TATDN2: variants seen among roughly 807,000 people sequenced by gnomAD.
The protein encoded by TATDN2 is TatD DNase domain containing 2, also known as 3'-5' RNA nuclease TATDN2.
TATDN2 carries 44 observed loss-of-function variants against 60.3 expected under a neutral mutation model. The observed-to-expected ratio is 0.73, with a 90% CI of 0.57 to 0.94. TATDN2 has a LOEUF of 0.94. Among genes scored for constraint, TATDN2 ranks in the 40% least tolerant of loss-of-function variants. The pLI is 0.00. For synonymous variants in TATDN2, 399 were observed against 355.8 expected (o/e 1.12, Z -1.37); for missense variants, 997 against 948.0 (o/e 1.05, Z -0.68).
At chr3:10,266,131 G>A (rs1698471853) in intron 3 of TATDN2, among the ~76,000 whole-genome samples, 1 of 152,108 alleles carries the variant, frequency 6.6e-6, no homozygotes, top group Admixed American at 6.5e-5. Flanking sequence ...CTTTCCCCTT[G>A]TAGGTTTATA....
At chr3:10,262,330 T>G (rs989315950) in intron 3 of TATDN2, among the ~76,000 whole-genome samples, 1 of 152,222 alleles carries the variant, frequency 6.6e-6, no homozygotes, top group Admixed American at 6.5e-5. Context: ...CTTGGTTTAC[T>G]CTCACATTTT....
chr3:10,260,385 AGAAGGACCAGCCAGGAGT>A lies in TATDN2; in HGVS notation c.677_694del (p.Arg226_Ala231del), dbSNP rs747052958. ...GCGCAGCAGAGCATCCCAGCCATGG[AGAAGGACCAGCCAGGAGT>A]GAAGGACCAGCCAAGACTGCAGAAG... On this transcript the variant is annotated inframe_deletion, in exon 3 of 8. Coordinates refer to ENST00000448281, the MANE Select transcript of TATDN2 (RefSeq NM_014760.4). The A allele has an allele frequency of 1.2e-4, 188 of 1,614,174 alleles. No homozygotes were observed. In the African/African-American group the frequency reaches 2.2e-3, roughly 19 times the overall value.
intron 4 of TATDN2, 149 bp from the exon 5 acceptor site, chr3:10,276,212 G>T (rs1698634594): frequency 2.8e-6 from 3 of 1,080,180 alleles, no homozygotes; most frequent in South Asian, 3.1e-5. Flanking sequence ...TGGCTCTATT[G>T]TAAGTGACCA....
chr3:10,269,243 A>G (rs1191122545), intron 3 of TATDN2, among the ~76,000 whole-genome samples: 1 of 152,246 alleles, frequency 6.6e-6, no homozygotes, highest in Non-Finnish European at 1.5e-5. Flanking sequence ...GGAGTGAACC[A>G]GATGGAAGCT....
At chr3:10,249,792 G>A (rs1335640627) in intron 2 of TATDN2, among the ~76,000 whole-genome samples, 178 bp downstream of exon 2, 7 of 152,204 alleles carry the variant, frequency 4.6e-5, no homozygotes, top group Non-Finnish European at 1.0e-4. Flanking sequence ...CAGGCGCGTG[G>A]CCTGAAGTTA....
chr3:10,249,228 C>G lies in TATDN2; in HGVS notation c.28C>G (p.His10Asp). The change falls in exon 2 of 8, where the codon CAC (histidine) becomes GAC (aspartate). Residue 10 changes from histidine to aspartate, a missense_variant. Coordinates refer to ENST00000448281, the MANE Select transcript of TATDN2 (RefSeq NM_014760.4). MASERGKVK[H>D]NWSSTSEGCP... is the part of the protein sequence containing the mutation. Reference sequence around the variant, plus strand: ...GGCGTCCGAGCGGGGCAAGGTCAAGCACAACTGGAGCAGCACGTCGGAAGG... The same window carrying G: ...GGCGTCCGAGCGGGGCAAGGTCAAGGACAACTGGAGCAGCACGTCGGAAGG... 2 of 1,539,664 alleles carry G rather than the reference C, an allele frequency of 1.3e-6. No individual in the cohort carries two copies. Among genetic ancestry groups the G allele is most frequent in the Non-Finnish European group, 1.8e-6 (2 of 1,141,224 alleles).
Position 10,249,360 on chromosome 3 carries a change from C to A in TATDN2, c.160C>A (p.Arg54Ser). Residue 54 changes from arginine to serine, a missense_variant, in exon 2 of 8, where the codon CGC (arginine) becomes AGC (serine). Arg to Ser is a moderately radical substitution (Grantham distance 110, BLOSUM62 -1). Transcript: ENST00000448281. ...SRSGGPSSPK[R>S]LKAQKEDDVA... Reference sequence around the variant, plus strand: ...TTCTGGAGGGCCCAGCAGCCCCAAGCGCCTGAAAGCCCAGAAGGAGGACGA... The same window carrying A: ...TTCTGGAGGGCCCAGCAGCCCCAAGAGCCTGAAAGCCCAGAAGGAGGACGA... 1 of 1,612,608 alleles carries A rather than the reference C, an allele frequency of 6.2e-7. No homozygotes were observed. The highest frequency in any genetic ancestry group is 8.5e-7 in the Non-Finnish European group (1 of 1,179,110).
intron 5 of TATDN2, among the ~76,000 whole-genome samples, chr3:10,277,367 G>T (rs536955491): frequency 2.0e-5 from 3 of 152,300 alleles, no homozygotes; most frequent in African/African-American, 7.2e-5. Flanking sequence ...GAGACAGGTT[G>T]GATGGTGGCT....
At chr3:10,256,086 C>T (rs1226510499) in intron 2 of TATDN2, among the ~76,000 whole-genome samples, 1 of 152,150 alleles carries the variant, frequency 6.6e-6, no homozygotes, top group Non-Finnish European at 1.5e-5. Context: ...TTTCACTTGT[C>T]TTACCTTTCT....
Position 10,270,219 on chromosome 3 carries a change from A to T in TATDN2, c.1037A>T (p.Gln346Leu). 3 of 1,614,194 alleles carry T rather than the reference A, an allele frequency of 1.9e-6. No individual in the cohort carries two copies. The highest frequency in any genetic ancestry group is 2.5e-6 in the Non-Finnish European group (3 of 1,180,040). ...VEEISTVRFS[Q>L]EEPVSLKPSA... ...GAGATCTCCACAGTCAGATTCTCTC[A>T]GGAGGAACCTGTCTCCCTGAAACCT... Residue 346 changes from glutamine (Q) to leucine (L), a missense_variant, in exon 4 of 8, where the codon CAG (glutamine) becomes CTG (leucine). Gln to Leu is a moderately radical substitution (Grantham distance 113). Coordinates refer to ENST00000448281, the MANE Select transcript of TATDN2 (RefSeq NM_014760.4).
Position 10,276,558 on chromosome 3 carries a change from A to G in TATDN2, c.1961+70A>G, listed in dbSNP as rs542567225. On this transcript the variant is annotated intron_variant, in intron 5 of 7. Transcript: ENST00000448281. ...CTCTGTCAAGTTGATGAGGACAGCA[A>G]TGATCGTATTCTGTCATTATACACT... is the stretch of plus-strand genomic sequence containing the variant. 8.0e-4 allele frequency: 1,265 copies of G among 1,584,928 alleles called. 2 individuals carry two copies. The highest frequency in any genetic ancestry group is 1.0e-3 in the Non-Finnish European group (1,172 of 1,164,888).
intron 4 of TATDN2, among the ~76,000 whole-genome samples, chr3:10,272,555 CAG>C (rs1253383819): frequency 6.6e-6 from 1 of 152,068 alleles, no homozygotes; most frequent in East Asian, 1.9e-4. Flanking sequence ...TCTCTTGCCT[CAG>C]CCTCCTGAGT....
intron 3 of TATDN2, among the ~76,000 whole-genome samples, chr3:10,267,411 C>T (rs554496248): frequency 2.6e-5 from 4 of 151,844 alleles, no homozygotes; most frequent in African/African-American, 9.7e-5. Context: ...TGCTTTTTTC[C>T]TTACTTTGAC....
intron 4 of TATDN2, among the ~76,000 whole-genome samples, chr3:10,273,670 A>G (rs771290730): frequency 6.6e-6 from 1 of 151,928 alleles, no homozygotes; most frequent in Admixed American, 6.5e-5. Context: ...TGCTCATTAT[A>G]GGAGAGTTTG....
At chr3:10,262,404 CAT>C (rs1053739037) in intron 3 of TATDN2, among the ~76,000 whole-genome samples, 5 of 151,940 alleles carry the variant, frequency 3.3e-5, no homozygotes, top group African/African-American at 1.2e-4. Context: ...TTTTGGTAAA[CAT>C]GTGTCTGAGA....
chr3:10,261,276 C>A (rs7643563), intron 3 of TATDN2, among the ~76,000 whole-genome samples: 2 of 152,016 alleles, frequency 1.3e-5, no homozygotes, highest in Non-Finnish European at 2.9e-5. Context: ...ACCTGGATAA[C>A]CAGAGAAGAA....
chr3:10,269,372 C>G (rs1041258962), intron 3 of TATDN2, among the ~76,000 whole-genome samples: 1 of 152,216 alleles, frequency 6.6e-6, no homozygotes, highest in Non-Finnish European at 1.5e-5. Flanking sequence ...AGACCCCACT[C>G]TCAATGGGGA....
intron 2 of TATDN2, among the ~76,000 whole-genome samples, chr3:10,254,589 C>T (rs1014878757): frequency 1.3e-5 from 2 of 152,134 alleles, no homozygotes; most frequent in Admixed American, 1.3e-4. Flanking sequence ...ATGTGGAGCC[C>T]TGGAAGGGTT....
intron 2 of TATDN2, among the ~76,000 whole-genome samples, chr3:10,251,289 G>A (rs1698229869): frequency 6.6e-6 from 1 of 152,068 alleles, no homozygotes; most frequent in African/African-American, 2.4e-5. Context: ...TGGAGAGCGA[G>A]GTAGGGGGTG....
Sources: gnomAD v4.1 joint callset for allele counts (sites outside exome capture counted in the v4.1 genomes callset) on GRCh38, gnomAD v4.1.1 for gene constraint, MANE v1.5 for transcripts, NCBI Gene and HGNC (gene_info 2026-07-23, HGNC 2026-07-21) for gene names.